Variants in LRFN5 observed in about 807,000 individuals in gnomAD.
LRFN5 encodes the protein leucine rich repeat and fibronectin type III domain containing 5, also known as leucine-rich repeat and fibronectin type-III domain-containing protein 5.
In LRFN5, 24 loss-of-function variants were observed where a neutral mutation model predicts 45.6. That is an observed-to-expected ratio of 0.53 (90% confidence interval 0.38 to 0.74). LRFN5 has a LOEUF of 0.74. Ranked by LOEUF, LRFN5 falls within the 30% of genes least tolerant of loss-of-function variation. LRFN5 has a pLI of 0.00. For missense variants in LRFN5, 776 were observed against 861.5 expected (o/e 0.90, Z 1.24); for synonymous variants, 340 against 313.8 (o/e 1.08, Z -0.88).
At chr14:41,667,098 G>C (rs1451694878) in intron 1 of LRFN5, among the ~76,000 whole-genome samples, 1 of 152,084 alleles carries the variant, frequency 6.6e-6, no homozygotes, top group African/African-American at 2.4e-5. Flanking sequence ...ATTCGTAATA[G>C]TTCATACTTT....
intron 1 of LRFN5, among the ~76,000 whole-genome samples, chr14:41,687,782 C>T (rs1013520145): frequency 2.0e-5 from 3 of 151,970 alleles, no homozygotes; most frequent in African/African-American, 4.8e-5. Flanking sequence ...CACATGGACA[C>T]AGAGAGGGGA....
chr14:41,850,255 G>T (rs535538325), intron 2 of LRFN5, among the ~76,000 whole-genome samples: 1 of 151,768 alleles, frequency 6.6e-6, no homozygotes, highest in East Asian at 1.9e-4. Flanking sequence ...TGTCTGACAC[G>T]TACACAATAC....
chr14:41,843,204 C>G (rs1318398050), intron 2 of LRFN5, among the ~76,000 whole-genome samples: 1 of 150,982 alleles, frequency 6.6e-6, no homozygotes, highest in Non-Finnish European at 1.5e-5. Context: ...TCCCATCTCA[C>G]ACTCCCAAGT....
intron 2 of LRFN5, among the ~76,000 whole-genome samples, chr14:41,839,633 C>T (rs761598564): frequency 3.9e-5 from 6 of 151,988 alleles, no homozygotes; most frequent in Non-Finnish European, 8.8e-5. Flanking sequence ...TAAATGTGAG[C>T]CATTGATTTT....
intron 2 of LRFN5, among the ~76,000 whole-genome samples, chr14:41,796,237 G>A (rs1887126651): frequency 6.6e-6 from 1 of 151,768 alleles, no homozygotes. Context: ...ACATCATTTT[G>A]CTTAATGATA....
intron 2 of LRFN5, among the ~76,000 whole-genome samples, chr14:41,812,294 A>G (rs1887763215): frequency 6.6e-6 from 1 of 152,036 alleles, no homozygotes; most frequent in South Asian, 2.1e-4. Flanking sequence ...TGGATTTATT[A>G]TATATTAAAA....
intron 1 of LRFN5, among the ~76,000 whole-genome samples, chr14:41,734,316 T>TTATATATATATATGTATA (rs1555358692): frequency 1.8e-4 from 7 of 38,768 alleles, no homozygotes; most frequent in Non-Finnish European, 4.1e-4. Context: ...TGGACTGGTT[T>TTATATATATATATGTATA]TATATATATA....
chr14:41,673,757 C>A (rs1454845310), intron 1 of LRFN5, among the ~76,000 whole-genome samples: 1 of 143,514 alleles, frequency 7.0e-6, no homozygotes, highest in Non-Finnish European at 1.5e-5. Flanking sequence ...CGGGCAGAGG[C>A]ACCCTTCACC....
intron 2 of LRFN5, among the ~76,000 whole-genome samples, chr14:41,885,155 CAAA>C (rs56318694): frequency 7.7e-6 from 1 of 129,438 alleles, no homozygotes. Context: ...CCTGTCTCTA[CAAA>C]AAAAAAAAAA....
chr14:41,728,124 C>A (rs1319258392), intron 1 of LRFN5, among the ~76,000 whole-genome samples: 2 of 152,058 alleles, frequency 1.3e-5, no homozygotes, highest in Non-Finnish European at 2.9e-5. Context: ...TTTCCAAAAT[C>A]TAAAGGGCTG....
At chr14:41,767,566 G>T (rs1462884281) in intron 2 of LRFN5, among the ~76,000 whole-genome samples, 1 of 151,962 alleles carries the variant, frequency 6.6e-6, no homozygotes, top group Non-Finnish European at 1.5e-5. Context: ...ACGTTATCTG[G>T]GTCATTCAAG....
chr14:41,892,168 G>C (rs1176205379), intron 4 of LRFN5: 1 of 985,344 alleles, frequency 1.0e-6, no homozygotes, highest in African/African-American at 1.7e-5. Context: ...AATTCTGAGG[G>C]ACTACTGGAA....
intron 2 of LRFN5, among the ~76,000 whole-genome samples, chr14:41,821,567 C>G (rs905335611): frequency 6.6e-6 from 1 of 151,856 alleles, no homozygotes; most frequent in Non-Finnish European, 1.5e-5. Flanking sequence ...CTGTGTTCAT[C>G]AGGGATACCA....
intron 2 of LRFN5, among the ~76,000 whole-genome samples, chr14:41,853,574 G>A (rs1446916989): frequency 6.6e-6 from 1 of 151,828 alleles, no homozygotes; most frequent in Admixed American, 6.6e-5. Flanking sequence ...GGTTACATTA[G>A]GTTTCCATTT....
At chr14:41,690,316 C>G (rs1882321148) in intron 1 of LRFN5, among the ~76,000 whole-genome samples, 1 of 152,086 alleles carries the variant, frequency 6.6e-6, no homozygotes, top group East Asian at 1.9e-4. Flanking sequence ...CACTTTGGGA[C>G]GCCAAGATGG....
intron 1 of LRFN5, among the ~76,000 whole-genome samples, chr14:41,655,171 G>A (rs1322922792): frequency 6.6e-6 from 1 of 151,938 alleles, no homozygotes; most frequent in African/African-American, 2.4e-5. Flanking sequence ...TTGGTGTAGG[G>A]GAGATAGACT....
At chr14:41,618,432 T>G (rs556422965) in intron 1 of LRFN5, among the ~76,000 whole-genome samples, 2 of 152,340 alleles carry the variant, frequency 1.3e-5, no homozygotes, top group South Asian at 4.1e-4. Context: ...TCAAAAAATG[T>G]TACCATTATG....
rs557063525 is a variant in LRFN5 at position 41,757,444 on chromosome 14, G to T, written c.-196-9410G>T. On this transcript the variant is annotated intron_variant, in intron 1 of 5. Transcript: ENST00000298119. ...CTGGCCGCTTTGTTTACCTACTCAAGCCTCAGCAATGGTGGGCGCCCCTCC... is the reference window on the plus strand; with the variant it reads ...CTGGCCGCTTTGTTTACCTACTCAATCCTCAGCAATGGTGGGCGCCCCTCC... Among the ~76,000 whole-genome samples, 4 of 152,212 alleles carry T rather than the reference G, an allele frequency of 2.6e-5. No homozygotes were observed. In the East Asian group the frequency reaches 7.8e-4, roughly 29 times the overall value.
At chr14:41,897,897 G>A (rs1890990682) in intron 4 of LRFN5, among the ~76,000 whole-genome samples, 1 of 151,992 alleles carries the variant, frequency 6.6e-6, no homozygotes, top group Admixed American at 6.6e-5. Context: ...TGACACATAG[G>A]CTATGTACAT....
Sources: gnomAD v4.1 joint callset for allele counts (sites outside exome capture counted in the v4.1 genomes callset) on GRCh38, gnomAD v4.1.1 for gene constraint, MANE v1.5 for transcripts, NCBI Gene and HGNC (gene_info 2026-07-23, HGNC 2026-07-21) for gene names.